The following BRWD1 variants were observed in gnomAD, a reference collection of about 807,000 sequenced individuals.
BRWD1 encodes the protein bromodomain and WD repeat-containing protein 1.
A neutral mutation model predicts 251.2 loss-of-function variants in BRWD1; 82 were observed. The ratio of observed to expected loss-of-function variants is 0.33; its 90% CI spans 0.27 to 0.39. BRWD1 has a LOEUF of 0.39. Among genes scored for constraint, BRWD1 ranks in the 10% least tolerant of loss-of-function variants. The probability of loss-of-function intolerance (pLI) is 1.00; values close to 1 mark genes in which losing one functional copy is unlikely to be tolerated. For missense variants in BRWD1, 2,233 were observed against 2,711.6 expected, an observed-to-expected ratio of 0.82 and a Z score of 3.92; for synonymous variants, 918 against 902.8, an observed-to-expected ratio of 1.02 and a Z score of -0.30.
chr21:39,215,910 G>A (rs2032869306), intron 31 of BRWD1, among the ~76,000 whole-genome samples: 1 of 152,162 alleles, frequency 6.6e-6, no homozygotes, highest in South Asian at 2.1e-4. Context: ...TGAGGTGGGA[G>A]GATTGCTTGA....
At chr21:39,283,464 A>G (rs1216332441) in intron 8 of BRWD1, among the ~76,000 whole-genome samples, 1 of 152,092 alleles carries the variant, frequency 6.6e-6, no homozygotes, top group African/African-American at 2.4e-5. Context: ...ATTCATTCCT[A>G]TGTGTTTGAG....
Position 39,202,445 on chromosome 21 carries a change from T to A in BRWD1, c.4465A>T (p.Thr1489Ser). The part of the protein sequence containing the change: ...STSSRTAYLG[T>S]HKTSAGISSG... ...GAGATACCAGCACTTGTCTTGTGGGTTCCAAGATAAGCTGTCCTACTTGAG... is the reference window on the plus strand; with the variant it reads ...GAGATACCAGCACTTGTCTTGTGGGATCCAAGATAAGCTGTCCTACTTGAG... The change falls in exon 38 of 41, where the codon ACC becomes TCC. Residue 1489 changes from threonine to serine, a missense_variant. By Grantham distance (58) the Thr-to-Ser change is moderately conservative (BLOSUM62 1). This residue lies in a region of BRWD1 where 928 missense variants were observed against 970.0 expected (regional missense o/e 0.96). Coordinates refer to ENST00000342449, the MANE Select transcript of BRWD1 (RefSeq NM_033656.4). 1 of 1,613,810 alleles carries A rather than the reference T, an allele frequency of 6.2e-7. No homozygotes were observed. The highest frequency in any genetic ancestry group is 1.7e-5 in the Admixed American group (1 of 60,008).
downstream of BRWD1, chr21:39,185,165 T>TAA (rs1215441117): frequency 6.6e-6 from 1 of 151,898 alleles, no homozygotes. Flanking sequence ...ATGTTCGAAT[T>TAA]AAATACTTAG....
intron 36 of BRWD1, 120 bp downstream of exon 36, chr21:39,209,875 C>T: frequency 5.4e-6 from 5 of 929,256 alleles, no homozygotes; most frequent in Non-Finnish European, 7.6e-6. Context: ...ATTCACTTAT[C>T]TTTAATGTTC....
rs1204231891 is a variant in BRWD1 at position 39,313,099 on chromosome 21, C to T, written c.111G>A (p.Val37=). The T allele has an allele frequency of 2.0e-6, 3 of 1,495,578 alleles. No homozygotes were observed. The highest frequency in any genetic ancestry group is 2.5e-5 in the South Asian group (2 of 78,676). The allele number at this position is 1,495,578 out of a possible 1,614,324, so 92.6% of individuals were successfully genotyped here. The part of the protein sequence containing the change: ...SAGPCRRAAQ[V]LVQELEQYQL... ...GGTACTGCTCCAGCTCCTGCACCAGCACCTGCGGCCGAGAGACGCGCGGTC... is the reference window on the plus strand; with the variant it reads ...GGTACTGCTCCAGCTCCTGCACCAGTACCTGCGGCCGAGAGACGCGCGGTC... The change falls in exon 3 of 41, where the codon GTG becomes GTA. Residue 37 remains valine (V), a splice_region_variant and synonymous_variant. Transcript: ENST00000342449.
chr21:39,246,625 T>A (rs1437110613), intron 21 of BRWD1, among the ~76,000 whole-genome samples: 1 of 152,120 alleles, frequency 6.6e-6, no homozygotes, highest in Non-Finnish European at 1.5e-5. Context: ...CATCAACTGA[T>A]AAATGGATAA....
intron 4 of BRWD1, among the ~76,000 whole-genome samples, chr21:39,312,131 G>C (rs1048918592): frequency 1.4e-4 from 21 of 152,252 alleles, no homozygotes; most frequent in African/African-American, 3.9e-4. Context: ...AAGTTATATA[G>C]AAACATTAAC....
At chr21:39,301,012 A>G (rs1352556569) in intron 4 of BRWD1, among the ~76,000 whole-genome samples, 1 of 152,174 alleles carries the variant, frequency 6.6e-6, no homozygotes, top group Non-Finnish European at 1.5e-5. Context: ...CCCTGTCTCT[A>G]CTAAAAATAC....
chr21:39,254,557 A>C (rs2034501387), intron 19 of BRWD1, among the ~76,000 whole-genome samples: 1 of 152,224 alleles, frequency 6.6e-6, no homozygotes, highest in African/African-American at 2.4e-5. Context: ...CTGTTGAATA[A>C]TGAAAAGGAA....
chr21:39,253,047 T>C lies in BRWD1; in HGVS notation c.2256-2158A>G, dbSNP rs1443386223. 2.6e-5 allele frequency among the ~76,000 whole-genome samples: 4 copies of C among 152,260 alleles called. No homozygotes were observed. The East Asian group carries it at 7.7e-4, about 29-fold the overall frequency. On this transcript the variant is annotated intron_variant, in intron 19 of 40. Coordinates refer to ENST00000342449, the MANE Select transcript of BRWD1 (RefSeq NM_033656.4). Reference sequence around the variant, plus strand: ...GCTCACGCCTGTAATCCCAGCACTTTGGCAGGCCGAGGCAGGTGGATCACC... The same window carrying C: ...GCTCACGCCTGTAATCCCAGCACTTCGGCAGGCCGAGGCAGGTGGATCACC...
chr21:39,304,803 G>A (rs1210511242), intron 4 of BRWD1, among the ~76,000 whole-genome samples: 1 of 152,084 alleles, frequency 6.6e-6, no homozygotes, highest in Non-Finnish European at 1.5e-5. Context: ...GTAAGGCAAA[G>A]CAGATGGGAA....
intron 8 of BRWD1, among the ~76,000 whole-genome samples, chr21:39,291,309 C>G (rs79663871): frequency 0.097 from 14,691 of 152,214 alleles, 829 homozygotes; most frequent in East Asian, 0.14. Flanking sequence ...CACCAGTTTT[C>G]ACCAAATTCT....
intron 19 of BRWD1, among the ~76,000 whole-genome samples, chr21:39,251,488 GTTTAC>G (rs1305164208): frequency 6.6e-6 from 1 of 152,024 alleles, no homozygotes; most frequent in Non-Finnish European, 1.5e-5. Context: ...TTATGTTTTT[GTTTAC>G]TTTAACATCT....
chr21:39,298,414 T>G lies in BRWD1; in HGVS notation c.349+18A>C. 6.4e-7 allele frequency: 1 copy of G among 1,565,152 alleles called. No homozygotes were observed. Among genetic ancestry groups the G allele is most frequent in the Non-Finnish European group, 8.6e-7 (1 of 1,162,280 alleles). On this transcript the variant is annotated intron_variant, in intron 5 of 40. Coordinates refer to ENST00000342449, the MANE Select transcript of BRWD1 (RefSeq NM_033656.4). ...AGGCTATTAATACAAAGCAGAACAC[T>G]TCTTCAAATTAAGGTACCTTTTGCT...
chr21:39,213,746 G>T lies in BRWD1; in HGVS notation c.3786-193C>A, dbSNP rs1386710487. ...TAAATCCTAATTTAGAATCTTGAAG[G>T]TTTTTCTTGTTTTCCGTTAAGTATG... On this transcript the variant is annotated intron_variant, in intron 32 of 40. Coordinates refer to ENST00000342449, the MANE Select transcript of BRWD1 (RefSeq NM_033656.4). 2.0e-5 allele frequency among the ~76,000 whole-genome samples: 3 copies of T among 152,004 alleles called. No homozygotes were observed. In the East Asian group the frequency reaches 5.8e-4, roughly 29 times the overall value.
At chr21:39,244,339 C>T (rs1008923735) in intron 21 of BRWD1, among the ~76,000 whole-genome samples, 3 of 152,146 alleles carry the variant, frequency 2.0e-5, no homozygotes, top group African/African-American at 7.2e-5. Flanking sequence ...GCTGGGATTA[C>T]AGGCATGAGC....
chr21:39,295,149 A>C (rs983164558), intron 7 of BRWD1, among the ~76,000 whole-genome samples: 1 of 144,932 alleles, frequency 6.9e-6, no homozygotes, highest in African/African-American at 2.5e-5. Context: ...AGAATGTGCT[A>C]GAGGGAAAGT....
At chr21:39,248,641 C>CAAAAAAAAA (rs375430016) in intron 20 of BRWD1, among the ~76,000 whole-genome samples, 22 of 83,296 alleles carry the variant, frequency 2.6e-4, no homozygotes, top group East Asian at 2.0e-3. Flanking sequence ...CCCTATCTCC[C>CAAAAAAAAA]AAAAAAAAAA....
At chr21:39,257,703 A>G (rs1248788657) in intron 18 of BRWD1, among the ~76,000 whole-genome samples, 2 of 152,288 alleles carry the variant, frequency 1.3e-5, no homozygotes, top group Admixed American at 6.5e-5. Flanking sequence ...ATGTAAGAGA[A>G]TATCTCTGGT....
Sources: allele counts gnomAD v4.1 joint callset (sites outside exome capture counted in the v4.1 genomes callset), GRCh38; gene constraint gnomAD v4.1.1; regional missense constraint gnomAD v4.1.1; transcripts MANE v1.5; gene names NCBI Gene and HGNC (gene_info 2026-07-23, HGNC 2026-07-21).